Variants in GLP1R observed in about 807,000 individuals in gnomAD.
GLP1R encodes the protein glucagon-like peptide 1 receptor.
In GLP1R, 32 loss-of-function variants were observed where a neutral mutation model predicts 68.4. The ratio of observed to expected loss-of-function variants is 0.47; its 90% CI spans 0.35 to 0.63. GLP1R has a LOEUF of 0.63. Ranked by LOEUF, GLP1R falls within the 20% of genes least tolerant of loss-of-function variation. GLP1R has a pLI of 0.00. For synonymous variants in GLP1R, 263 were observed against 244.4 expected (o/e 1.08, Z -0.71); for missense variants, 502 against 594.9 (o/e 0.84, Z 1.62).
Position 39,056,505 on chromosome 6 carries a change from T to C in GLP1R, c.175+12T>C. On this transcript the variant is annotated intron_variant, in intron 2 of 12. Transcript: ENST00000373256. Reference sequence around the variant, plus strand: ...ACCTCCTGCCACAGGTGAGTCCATGTAGGCTCCCCACCTTTAGTGCTCCCC... The same window carrying C: ...ACCTCCTGCCACAGGTGAGTCCATGCAGGCTCCCCACCTTTAGTGCTCCCC... 1.4e-6 allele frequency: 2 copies of C among 1,421,140 alleles called. No homozygotes were observed. Among genetic ancestry groups the C allele is most frequent in the Non-Finnish European group, 2.0e-6 (2 of 1,004,214 alleles). The allele number at this position is 1,421,140 out of a possible 1,614,324, so 88.0% of individuals were successfully genotyped here.
At chr6:39,057,695 G>C in intron 3 of GLP1R, 116 bp downstream of exon 3, 2 of 648,176 alleles carry the variant, frequency 3.1e-6, no homozygotes, top group Admixed American at 2.2e-5. Flanking sequence ...CCTGATACCT[G>C]CCCTGGGCCA....
intron 5 of GLP1R, among the ~76,000 whole-genome samples, chr6:39,070,125 GC>G (rs1768620844): frequency 6.6e-6 from 1 of 152,210 alleles, no homozygotes. Context: ...TGAGAGCAGA[GC>G]CCTCATGATC....
rs898421152 is a variant in GLP1R, at chr6:39,088,110, C to T, written c.*2037C>T. ...TGCTTAGTTAGGCACCTGGGAAGCTCAAATCATTTAGTTTAAACTGTAAGT... is the reference window on the plus strand; with the variant it reads ...TGCTTAGTTAGGCACCTGGGAAGCTTAAATCATTTAGTTTAAACTGTAAGT... On this transcript the variant is annotated 3_prime_UTR_variant, in exon 13 of 13. Transcript: ENST00000373256. 9.2e-5 allele frequency among the ~76,000 whole-genome samples: 14 copies of T among 152,222 alleles called. No individual in the cohort carries two copies. The highest frequency in any genetic ancestry group is 3.4e-3 in the Middle Eastern group (1 of 294).
At position 39,088,810 on chromosome 6, in the gene GLP1R, G is replaced by C. The variant is rs1394761611; in HGVS notation, c.*2737G>C. 1.3e-5 allele frequency among the ~76,000 whole-genome samples: 2 copies of C among 152,114 alleles called. No individual in the cohort carries two copies. Among genetic ancestry groups the C allele is most frequent in the African/African-American group, 4.8e-5 (2 of 41,418 alleles). ...ATCGTTGGAGCTCTGGGAGAGCTCT[G>C]AGCAGAGAAAGACCTTGGTGATCCC... On this transcript the variant is annotated 3_prime_UTR_variant, in exon 13 of 13. Transcript: ENST00000373256.
Position 39,069,568 on chromosome 6 carries a change from G to T in GLP1R, c.509+3265G>T, listed in dbSNP as rs141031712. 8.1e-4 allele frequency among the ~76,000 whole-genome samples: 122 copies of T among 150,416 alleles called. 1 individual carries two copies. The highest frequency in any genetic ancestry group is 2.8e-3 in the African/African-American group (113 of 41,064). On this transcript the variant is annotated intron_variant, in intron 5 of 12. Coordinates refer to ENST00000373256, the MANE Select transcript of GLP1R (RefSeq NM_002062.5). Reference sequence around the variant, plus strand: ...GAATGGCGTGAACCTGGGAGGCGGAGTGAGCAGAGCAGTGAGCAGAGATCG... The same window carrying T: ...GAATGGCGTGAACCTGGGAGGCGGATTGAGCAGAGCAGTGAGCAGAGATCG...
intron 1 of GLP1R, among the ~76,000 whole-genome samples, chr6:39,054,257 C>T (rs1039474844): frequency 3.3e-5 from 5 of 152,110 alleles, no homozygotes; most frequent in Admixed American, 2.0e-4. Context: ...CCTCCACCCA[C>T]GACCACCCAG....
In GLP1R at chr6:39,049,976, C is replaced by A. The variant is rs375603922; in HGVS notation, c.78+1058C>A. The stretch of plus-strand genomic sequence containing the variant: ...TCTGTGGGGAGTGGACCTGAACGAA[C>A]CTTGAAGTTTGTCCCAGAACCATTG... On this transcript the variant is annotated intron_variant, in intron 1 of 12. Coordinates refer to ENST00000373256, the MANE Select transcript of GLP1R (RefSeq NM_002062.5). The surrounding 1 kb of genome is among the most constrained non-coding windows in gnomAD (Gnocchi z 4.5). 7.9e-5 allele frequency among the ~76,000 whole-genome samples: 12 copies of A among 152,314 alleles called. No individual in the cohort carries two copies. In the East Asian group the frequency reaches 1.4e-3, roughly 17 times the overall value.
chr6:39,068,391 A>G (rs921545865), intron 5 of GLP1R, among the ~76,000 whole-genome samples: 2 of 150,898 alleles, frequency 1.3e-5, no homozygotes, highest in South Asian at 4.3e-4. Flanking sequence ...GGGGTCTTGG[A>G]GGAGAATCTT....
At chr6:39,071,907 C>A (rs1025606559) in intron 5 of GLP1R, among the ~76,000 whole-genome samples, 16 of 152,136 alleles carry the variant, frequency 1.1e-4, no homozygotes, top group Non-Finnish European at 5.9e-5. Context: ...GTATCTATCT[C>A]CCACTAGTTT....
chr6:39,059,482 A>G (rs559159503), intron 3 of GLP1R, among the ~76,000 whole-genome samples: 1 of 152,264 alleles, frequency 6.6e-6, no homozygotes, highest in Admixed American at 6.5e-5. Flanking sequence ...CTCTAGGGAC[A>G]GGGGTGAGCT....
intron 3 of GLP1R, among the ~76,000 whole-genome samples, chr6:39,061,553 AG>A (rs1768358581): frequency 6.6e-6 from 1 of 152,138 alleles, no homozygotes; most frequent in African/African-American, 2.4e-5. Context: ...GGGGTTGCCA[AG>A]GGGAAACTGA....
chr6:39,068,808 G>C (rs985051700), intron 5 of GLP1R, among the ~76,000 whole-genome samples: 1 of 152,178 alleles, frequency 6.6e-6, no homozygotes, highest in Non-Finnish European at 1.5e-5. Flanking sequence ...CCCCAGAACT[G>C]TTCTGCTCTC....
chr6:39,048,966 C>G, intron 1 of GLP1R, 48 bp downstream of exon 1: 1 of 770,660 alleles, frequency 1.3e-6, no homozygotes, highest in Non-Finnish European at 1.9e-6. Flanking sequence ...GGTGGCTCTG[C>G]GGGCTGCAGG....
At chr6:39,080,994 CTCATGTTAAGGGGA>C (rs1324864253) in intron 12 of GLP1R, among the ~76,000 whole-genome samples, 1 of 152,038 alleles carries the variant, frequency 6.6e-6, no homozygotes, top group Non-Finnish European at 1.5e-5. Flanking sequence ...AAGACCCAGA[CTCATGTTAAGGGGA>C]TCCTGAATGA....
Position 39,084,592 on chromosome 6 carries a change from G to A in GLP1R, c.1225-1314G>A, listed in dbSNP as rs1376052234. On this transcript the variant is annotated intron_variant, in intron 12 of 12. Coordinates refer to ENST00000373256, the MANE Select transcript of GLP1R (RefSeq NM_002062.5). ...GCCCCCATCCCAGCTGTCAGCATGC[G>A]CTCCCTTCACAAAGACTCAGCCGGG... Among the ~76,000 whole-genome samples the A allele has an allele frequency of 4.6e-5, 7 of 152,156 alleles. 1 individual carries two copies. In the East Asian group the frequency reaches 1.2e-3, roughly 25 times the overall value.
Position 39,057,569 on chromosome 6 carries a change from G to A in GLP1R, c.273G>A (p.Trp91Ter), listed in dbSNP as rs1768244508. Reference protein sequence around the residue: ...VNVSCPWYLPWASSVPQGHVY... With the variant: ...VNVSCPWYLP ...TCAGCTGCCCCTGGTACCTGCCCTGGGCCAGCAGTGGTGAGCCCCCTCCCC... is the reference window on the plus strand; with the variant it reads ...TCAGCTGCCCCTGGTACCTGCCCTGAGCCAGCAGTGGTGAGCCCCCTCCCC... Residue 91 changes from tryptophan (W) to a stop codon, truncating the protein, a stop_gained, in exon 3 of 13, where the codon TGG becomes TGA. Transcript: ENST00000373256. LOFTEE classifies it high-confidence loss of function. 6.3e-7 allele frequency: 1 copy of A among 1,596,850 alleles called. No homozygotes were observed. Among genetic ancestry groups the A allele is most frequent in the Non-Finnish European group, 8.6e-7 (1 of 1,169,582 alleles).
At chr6:39,078,877 G>T (rs1768910115) in intron 8 of GLP1R, 80 bp from the exon 9 acceptor site, 7 of 1,190,596 alleles carry the variant, frequency 5.9e-6, no homozygotes, top group Admixed American at 1.7e-5. Flanking sequence ...CATGTGCATT[G>T]GCGGCCTCTG....
At chr6:39,054,682 G>A (rs1211366047) in intron 1 of GLP1R, among the ~76,000 whole-genome samples, 2 of 152,272 alleles carry the variant, frequency 1.3e-5, no homozygotes, top group Non-Finnish European at 2.9e-5. Context: ...CACACCTTCT[G>A]CCCCAGTTCC....
chr6:39,079,101 C>T lies in GLP1R; in HGVS notation c.955-11C>T, dbSNP rs201157675. On this transcript the variant is annotated splice_polypyrimidine_tract_variant and intron_variant, in intron 9 of 12. Transcript: ENST00000373256. This position sits in a 1 kb window ranked among gnomAD's most constrained non-coding sequence, Gnocchi z 4.5. ...TGGTGCCCCCTGCCAATCCCCGGCC[C>T]CACCCCGCAGGTGAACTTCCTCATC... 32 of 1,613,546 alleles carry T rather than the reference C, an allele frequency of 2.0e-5. No homozygotes were observed. The highest frequency in any genetic ancestry group is 2.5e-5 in the Non-Finnish European group (30 of 1,179,470).
Sources: allele counts gnomAD v4.1 joint callset (sites outside exome capture counted in the v4.1 genomes callset), GRCh38; gene constraint gnomAD v4.1.1; non-coding constraint Gnocchi (gnomAD v3.1); transcripts MANE v1.5; gene names NCBI Gene and HGNC (gene_info 2026-07-23, HGNC 2026-07-21).